The following TRERF1 variants were observed in gnomAD, a reference collection of about 807,000 sequenced individuals.
TRERF1 encodes transcriptional-regulating factor 1.
TRERF1 carries 27 observed loss-of-function variants against 122.9 expected under a neutral mutation model. That is an observed-to-expected ratio of 0.22 (90% CI 0.16 to 0.30). The LOEUF (loss-of-function observed/expected upper bound fraction) is 0.30, where lower values mean the gene tolerates loss of function less well. Among genes scored for constraint, TRERF1 ranks in the 10% least tolerant of loss-of-function variants. TRERF1 has a pLI of 1.00. For synonymous variants in TRERF1, 636 were observed against 641.7 expected, an observed-to-expected ratio of 0.99 and a Z score of 0.13; for missense variants, 1,248 against 1,560.3, an observed-to-expected ratio of 0.80 and a Z score of 3.37.
Position 42,357,695 on chromosome 6 carries a change from C to A in TRERF1, c.-371+5302G>T, listed in dbSNP as rs935685143. Among the ~76,000 whole-genome samples the A allele has an allele frequency of 7.2e-5, 11 of 152,324 alleles. No homozygotes were observed. The South Asian group carries it at 1.5e-3, about 20-fold the overall frequency. ...AATTTCACACGGGCGAGCGAGCAGTCTTTCTGTCCCAGTCAACAAGGACAG... is the reference window on the plus strand; with the variant it reads ...AATTTCACACGGGCGAGCGAGCAGTATTTCTGTCCCAGTCAACAAGGACAG... On this transcript the variant is annotated intron_variant, in intron 3 of 17. Transcript: ENST00000372922.
intron 2 of TRERF1, among the ~76,000 whole-genome samples, chr6:42,410,669 G>C (rs1780980636): frequency 6.6e-6 from 1 of 151,946 alleles, no homozygotes; most frequent in Middle Eastern, 3.2e-3. Flanking sequence ...TTTAACACAG[G>C]GACTGTAATG....
At chr6:42,304,308 G>A (rs1786759896) in intron 3 of TRERF1, among the ~76,000 whole-genome samples, 1 of 152,240 alleles carries the variant, frequency 6.6e-6, no homozygotes, top group African/African-American at 2.4e-5. Context: ...CCCCTCACTA[G>A]CCGTATGGCC....
intron 4 of TRERF1, among the ~76,000 whole-genome samples, chr6:42,290,289 A>G (rs1297241623): frequency 6.6e-6 from 1 of 152,204 alleles, no homozygotes; most frequent in African/African-American, 2.4e-5. Flanking sequence ...TGCTAAGAAC[A>G]TGACAGAGGA....
At chr6:42,247,564 T>G (rs1180830598) in intron 13 of TRERF1, among the ~76,000 whole-genome samples, 1 of 152,188 alleles carries the variant, frequency 6.6e-6, no homozygotes, top group Non-Finnish European at 1.5e-5. Flanking sequence ...TGGAGCCAGT[T>G]CTTGACAGAT....
At chr6:42,229,562 C>T (rs1466439359) in intron 17 of TRERF1, among the ~76,000 whole-genome samples, 1 of 152,164 alleles carries the variant, frequency 6.6e-6, no homozygotes, top group Non-Finnish European at 1.5e-5. Flanking sequence ...CTCGAGGTCA[C>T]TGGTAACTCT....
intron 12 of TRERF1, among the ~76,000 whole-genome samples, chr6:42,256,371 T>C (rs1017547231): frequency 2.6e-5 from 4 of 152,198 alleles, no homozygotes; most frequent in East Asian, 3.9e-4. Flanking sequence ...CAGAGTATGA[T>C]AGGCTATTTT....
chr6:42,437,903 T>G (rs1785734989), intron 2 of TRERF1, among the ~76,000 whole-genome samples: 1 of 151,270 alleles, frequency 6.6e-6, no homozygotes, highest in South Asian at 2.1e-4. Context: ...AGTAGGCAGC[T>G]GTTATTTATT....
chr6:42,231,738 T>C (rs1199566778), intron 17 of TRERF1, among the ~76,000 whole-genome samples: 1 of 152,200 alleles, frequency 6.6e-6, no homozygotes, highest in Non-Finnish European at 1.5e-5. Flanking sequence ...TCACCCATCT[T>C]ACCATCAATG....
Position 42,388,327 on chromosome 6 carries a change from C to T in TRERF1, c.-453-25248G>A, listed in dbSNP as rs551856078. Among the ~76,000 whole-genome samples, 202 of 150,580 alleles carry T rather than the reference C, an allele frequency of 1.3e-3. 1 individual carries two copies. The highest frequency in any genetic ancestry group is 4.8e-3 in the African/African-American group (197 of 40,954). ...GAATTATTTTTCACCTGTTTTTAAT[C>T]ATCTATTACACAGGTAGATGGTGCC... On this transcript the variant is annotated intron_variant, in intron 2 of 17. Transcript: ENST00000372922.
At chr6:42,278,263 C>G (rs1189449912) in intron 4 of TRERF1, among the ~76,000 whole-genome samples, 1 of 152,192 alleles carries the variant, frequency 6.6e-6, no homozygotes, top group East Asian at 1.9e-4. Context: ...CCAATGTGGT[C>G]TCCACCTCTC....
At chr6:42,326,050 G>A (rs979972094) in intron 3 of TRERF1, among the ~76,000 whole-genome samples, 41 of 152,190 alleles carry the variant, frequency 2.7e-4, no homozygotes, top group Admixed American at 2.0e-3. Context: ...GGGTTGAAAA[G>A]CTTCCTATTG....
intron 3 of TRERF1, among the ~76,000 whole-genome samples, chr6:42,336,136 T>C (rs1370632294): frequency 6.6e-6 from 1 of 152,236 alleles, no homozygotes; most frequent in African/African-American, 2.4e-5. Context: ...GCCTGTTTTG[T>C]GCTGCAGTAT....
At chr6:42,308,621 C>T (rs897577489) in intron 3 of TRERF1, among the ~76,000 whole-genome samples, 3 of 152,230 alleles carry the variant, frequency 2.0e-5, no homozygotes, top group Non-Finnish European at 4.4e-5. Flanking sequence ...AGAACGAGAT[C>T]GTGTCTTTTG....
intron 2 of TRERF1, among the ~76,000 whole-genome samples, chr6:42,379,222 G>C (rs1775468345): frequency 6.6e-6 from 1 of 152,022 alleles, no homozygotes; most frequent in Non-Finnish European, 1.5e-5. Flanking sequence ...TGCCAGAAAA[G>C]GGAGTCTAGG....
intron 2 of TRERF1, among the ~76,000 whole-genome samples, chr6:42,410,713 C>G (rs1780988429): frequency 6.6e-6 from 1 of 152,164 alleles, no homozygotes; most frequent in Admixed American, 6.5e-5. Flanking sequence ...TGATTCCCCT[C>G]AGGACTCAGT....
chr6:42,306,096 G>A (rs901035647), intron 3 of TRERF1, among the ~76,000 whole-genome samples: 12 of 144,168 alleles, frequency 8.3e-5, no homozygotes, highest in Middle Eastern at 3.6e-3. Context: ...CTGTCTCCCA[G>A]GTTCAAGCAA....
chr6:42,342,181 A>C (rs1348647352), intron 3 of TRERF1, among the ~76,000 whole-genome samples: 3 of 152,246 alleles, frequency 2.0e-5, no homozygotes, highest in Non-Finnish European at 4.4e-5. Context: ...ATGAAAGCCC[A>C]ACACGCAGTT....
intron 2 of TRERF1, among the ~76,000 whole-genome samples, chr6:42,383,752 T>C (rs1776354908): frequency 6.6e-6 from 1 of 151,834 alleles, no homozygotes; most frequent in Admixed American, 6.6e-5. Flanking sequence ...CAGAAATGGG[T>C]CAAAGAGATA....
rs1323308910 is a variant in TRERF1 at position 42,299,094 on chromosome 6, A to ATCTATCTATCTG, written c.-259+1543_-259+1544insCAGATAGATAGA. On this transcript the variant is annotated intron_variant, in intron 4 of 17. Coordinates refer to ENST00000372922, the Ensembl canonical transcript of TRERF1. ...TGTCTCTAAAAATATCTATCTATCTATCTGTCTGTCTGTCTGTCTGTCTCT... is the reference window on the plus strand; with the variant it reads ...TGTCTCTAAAAATATCTATCTATCTATCTATCTATCTGTCTGTCTGTCTGTCTGTCTGTCTCT... Among the ~76,000 whole-genome samples, 400 of 143,138 alleles carry ATCTATCTATCTG rather than the reference A, an allele frequency of 2.8e-3. 4 individuals are homozygous for ATCTATCTATCTG. The highest frequency in any genetic ancestry group is 9.8e-3 in the African/African-American group (383 of 39,144). The allele number at this position is 143,138 out of a possible 152,430, so 93.9% of individuals were successfully genotyped here.
Sources: gnomAD v4.1 joint callset for allele counts (sites outside exome capture counted in the v4.1 genomes callset) on GRCh38, gnomAD v4.1.1 for gene constraint, MANE v1.5 for transcripts, NCBI Gene and HGNC (gene_info 2026-07-23, HGNC 2026-07-21) for gene names.